The following ADAMTS18 variants were observed in gnomAD, a reference collection of about 807,000 sequenced individuals.
ADAMTS18 encodes ADAM metallopeptidase with thrombospondin type 1 motif 18.
In ADAMTS18, 157 loss-of-function variants were observed where a neutral mutation model predicts 165.9. That is an observed-to-expected ratio of 0.95 (90% CI 0.83 to 1.08). The LOEUF is 1.08. Among genes scored for constraint, ADAMTS18 ranks in the 50% least tolerant of loss-of-function variants. The probability of loss-of-function intolerance (pLI) is 0.00; values close to 1 mark genes in which losing one functional copy is unlikely to be tolerated. For synonymous variants in ADAMTS18, 782 were observed against 578.2 expected, an observed-to-expected ratio of 1.35 and a Z score of -5.06; for missense variants, 2,040 against 1,534.0, an observed-to-expected ratio of 1.33 and a Z score of -5.51.
intron 21 of ADAMTS18, among the ~76,000 whole-genome samples, chr16:77,289,799 C>T (rs1266417234): frequency 1.3e-5 from 2 of 152,136 alleles, no homozygotes; most frequent in African/African-American, 4.8e-5. Flanking sequence ...TAGTGGAGGA[C>T]ATAGTTCAAA....
chr16:77,431,356 T>C lies in ADAMTS18; in HGVS notation c.434A>G (p.Tyr145Cys), dbSNP rs1346537492. ...GCTGTCATTTCTGATAAATCCCTGA[T>C]AGAAGCATTGCTGCACCTCGGGTTT... The part of the protein sequence containing the change: ...TQKPEVQQCF[Y>C]QGFIRNDSSS... The change falls in exon 3 of 23, where the codon TAT becomes TGT. Residue 145 changes from tyrosine (Y) to cysteine (C), a missense_variant. Physicochemically the swap from Tyr to Cys is radical, Grantham distance 194. Transcript: ENST00000282849. 3.7e-6 allele frequency: 6 copies of C among 1,614,176 alleles called. No individual in the cohort carries two copies. In the Admixed American group the frequency reaches 6.7e-5, roughly 18 times the overall value.
intron 3 of ADAMTS18, among the ~76,000 whole-genome samples, chr16:77,406,780 CA>C (rs1360083803): frequency 6.6e-6 from 1 of 151,646 alleles, no homozygotes. Context: ...AAAAGAATAT[CA>C]TTTTTTTTGC....
intron 3 of ADAMTS18, among the ~76,000 whole-genome samples, chr16:77,394,892 G>A (rs11862322): frequency 0.13 from 19,409 of 152,186 alleles, 1,573 homozygotes; most frequent in African/African-American, 0.22. Flanking sequence ...ACTCTTGAGT[G>A]CACAGCAAAA....
At chr16:77,420,920 G>A (rs573494491) in intron 3 of ADAMTS18, among the ~76,000 whole-genome samples, 1 of 152,250 alleles carries the variant, frequency 6.6e-6, no homozygotes, top group South Asian at 2.1e-4. Flanking sequence ...AAATCACAGG[G>A]TGAACCCATA....
At chr16:77,392,943 T>G (rs1455833252) in intron 3 of ADAMTS18, among the ~76,000 whole-genome samples, 1 of 151,950 alleles carries the variant, frequency 6.6e-6, no homozygotes, top group Non-Finnish European at 1.5e-5. Context: ...TTAGACAGTA[T>G]GGAGAGCTCA....
At chr16:77,313,374 C>A (rs2055819905) in intron 16 of ADAMTS18, among the ~76,000 whole-genome samples, 1 of 151,798 alleles carries the variant, frequency 6.6e-6, no homozygotes, top group Admixed American at 6.6e-5. Context: ...AGCACACCAA[C>A]ATGGCACATG....
intron 12 of ADAMTS18, among the ~76,000 whole-genome samples, chr16:77,331,143 T>A (rs1269072481): frequency 6.6e-6 from 1 of 152,222 alleles, no homozygotes; most frequent in African/African-American, 2.4e-5. Flanking sequence ...CTATTAGGCA[T>A]CTCTAAATTA....
chr16:77,367,903 G>T (rs1171014553), intron 3 of ADAMTS18, among the ~76,000 whole-genome samples, 180 bp from the exon 4 acceptor site: 1 of 152,058 alleles, frequency 6.6e-6, no homozygotes, highest in East Asian at 1.9e-4. Flanking sequence ...ATTGAGACAG[G>T]TCTCACTTTA....
At chr16:77,425,823 A>G (rs887193441) in intron 3 of ADAMTS18, among the ~76,000 whole-genome samples, 1 of 152,120 alleles carries the variant, frequency 6.6e-6, no homozygotes, top group African/African-American at 2.4e-5. Flanking sequence ...TAGGCAGATC[A>G]CCTGAGGTGA....
At chr16:77,326,085 A>C (rs1567484342) in intron 12 of ADAMTS18, 47 bp from the exon 13 acceptor site, 10 of 1,564,982 alleles carry the variant, frequency 6.4e-6, no homozygotes, top group Non-Finnish European at 8.8e-6. Context: ...CAAAGGGCTC[A>C]TTATTAGTCA....
intron 3 of ADAMTS18, among the ~76,000 whole-genome samples, chr16:77,404,366 A>C (rs534878299): frequency 1.3e-5 from 2 of 152,168 alleles, no homozygotes; most frequent in Admixed American, 6.5e-5. Flanking sequence ...TTTAGGGGGG[A>C]AACAGATTTT....
chr16:77,333,925 TATAA>T (rs983255272), intron 12 of ADAMTS18, among the ~76,000 whole-genome samples: 12 of 144,910 alleles, frequency 8.3e-5, no homozygotes, highest in African/African-American at 2.8e-4. Flanking sequence ...ATATACTAAA[TATAA>T]ATACTGTAAT....
chr16:77,336,915 G>C (rs2056319461), intron 11 of ADAMTS18, among the ~76,000 whole-genome samples: 1 of 152,182 alleles, frequency 6.6e-6, no homozygotes, highest in African/African-American at 2.4e-5. Context: ...TTGGGGTTTG[G>C]ACCATGCCAG....
intron 10 of ADAMTS18, among the ~76,000 whole-genome samples, chr16:77,349,228 G>A (rs1381535595): frequency 4.6e-5 from 7 of 152,006 alleles, no homozygotes; most frequent in Admixed American, 4.6e-4. Context: ...GTCAAGCTGG[G>A]AACTCGGTCA....
At chr16:77,420,340 T>A (rs2144846993) in intron 3 of ADAMTS18, among the ~76,000 whole-genome samples, 1 of 152,294 alleles carries the variant, frequency 6.6e-6, no homozygotes, top group Admixed American at 6.5e-5. Flanking sequence ...CTAAAGCCCG[T>A]AACATTTACC....
chr16:77,392,387 C>G (rs990340386), intron 3 of ADAMTS18, among the ~76,000 whole-genome samples: 2 of 152,160 alleles, frequency 1.3e-5, no homozygotes, highest in African/African-American at 4.8e-5. Flanking sequence ...GTATGGTGCT[C>G]CAGTGTGGAG....
chr16:77,301,179 T>C (rs1039642768), intron 16 of ADAMTS18, among the ~76,000 whole-genome samples: 1 of 152,132 alleles, frequency 6.6e-6, no homozygotes, highest in Non-Finnish European at 1.5e-5. Context: ...CAATCACATA[T>C]TGGGCACTTC....
intron 3 of ADAMTS18, among the ~76,000 whole-genome samples, chr16:77,372,875 G>C (rs2056896221): frequency 6.6e-6 from 1 of 152,060 alleles, no homozygotes; most frequent in Non-Finnish European, 1.5e-5. Flanking sequence ...CAGAGTCCTT[G>C]TCCAGCACTA....
chr16:77,402,306 C>T (rs1484937496), intron 3 of ADAMTS18, among the ~76,000 whole-genome samples: 2 of 152,322 alleles, frequency 1.3e-5, no homozygotes, highest in South Asian at 2.1e-4. Flanking sequence ...AAGGAATATT[C>T]CACTGGCAGA....
Sources: allele counts gnomAD v4.1 joint callset (sites outside exome capture counted in the v4.1 genomes callset), GRCh38; gene constraint gnomAD v4.1.1; transcripts MANE v1.5; gene names NCBI Gene and HGNC (gene_info 2026-07-23, HGNC 2026-07-21).